Variants in WDFY4 observed in about 807,000 individuals in gnomAD.
WDFY4 encodes the protein WD repeat- and FYVE domain-containing protein 4.
Under a neutral mutation model 351.9 loss-of-function variants are expected in WDFY4, and 169 were observed. The ratio of observed to expected loss-of-function variants is 0.48; its 90% CI spans 0.42 to 0.55. WDFY4 has a LOEUF of 0.55. WDFY4 is among the 20% of genes least tolerant of loss of function. The pLI, the probability that WDFY4 is intolerant of heterozygous loss-of-function variation, is 0.00. For synonymous variants in WDFY4, 1,622 were observed against 1,574.6 expected (o/e 1.03, Z -0.71); for missense variants, 3,803 against 3,935.6 (o/e 0.97, Z 0.90).
Position 48,788,608 on chromosome 10 carries a change from C to T in WDFY4, c.3887C>T (p.Ser1296Phe), listed in dbSNP as rs868669968. Residue 1296 changes from serine to phenylalanine, a missense_variant, in exon 21 of 62, where the codon TCT becomes TTT. Transcript: ENST00000325239. ...VSFGLHIASS[S>F]ITSVADIRNA... ...TTTGGACTTCACATAGCCAGCTCCT[C>T]TATCACCAGTGTAGCGGACATCAGA... 2 of 1,551,836 alleles carry T rather than the reference C, an allele frequency of 1.3e-6. No homozygotes were observed. Among genetic ancestry groups the T allele is most frequent in the Middle Eastern group, 1.7e-4 (1 of 5,994 alleles).
At chr10:48,831,922 A>G (rs2133065519) in intron 38 of WDFY4, among the ~76,000 whole-genome samples, 1 of 152,348 alleles carries the variant, frequency 6.6e-6, no homozygotes, top group Non-Finnish European at 1.5e-5. Flanking sequence ...TAGAACCCTC[A>G]TATTTTAATC....
intron 61 of WDFY4, 141 bp downstream of exon 61, chr10:48,981,619 G>A: frequency 1.4e-6 from 1 of 734,050 alleles, no homozygotes. Flanking sequence ...AGCACAGGAA[G>A]CAGCCCGTGT....
At chr10:48,974,498 G>A (rs537480307) in intron 57 of WDFY4, among the ~76,000 whole-genome samples, 419 of 2,444 alleles carry the variant, frequency 0.17, 4 homozygotes, top group African/African-American at 0.2. Context: ...GCAAGACTCC[G>A]TCTCAAAAAA....
intron 43 of WDFY4, among the ~76,000 whole-genome samples, chr10:48,879,561 A>G (rs937597562): frequency 2.0e-5 from 3 of 152,212 alleles, no homozygotes; most frequent in Non-Finnish European, 4.4e-5. Context: ...ATGCACATTT[A>G]TTATCTCGAA....
At chr10:48,886,987 A>G (rs1440660125) in intron 43 of WDFY4, among the ~76,000 whole-genome samples, 1 of 152,272 alleles carries the variant, frequency 6.6e-6, no homozygotes, top group Admixed American at 6.5e-5. Flanking sequence ...TTTAAATGGA[A>G]GAGCAGGTAA....
At chr10:48,897,722 TC>T in intron 45 of WDFY4, 148 bp downstream of exon 45, 1 of 1,303,468 alleles carries the variant, frequency 7.7e-7, no homozygotes, top group African/African-American at 1.5e-5. Flanking sequence ...ACCCGCAAGT[TC>T]CCTGGGCTTG....
intron 47 of WDFY4, among the ~76,000 whole-genome samples, chr10:48,911,803 C>T (rs1174250114): frequency 6.6e-6 from 1 of 152,098 alleles, no homozygotes; most frequent in Non-Finnish European, 1.5e-5. Flanking sequence ...ATGAAAAACA[C>T]TTAATAAAGG....
chr10:48,785,928 G>A, intron 19 of WDFY4, among the ~76,000 whole-genome samples: 1 of 152,118 alleles, frequency 6.6e-6, no homozygotes, highest in South Asian at 2.1e-4. Context: ...TATACTTACT[G>A]ATCAACTCGA....
intron 47 of WDFY4, among the ~76,000 whole-genome samples, chr10:48,923,506 A>ATATATATATATGTGTATG (rs143983467): frequency 8.7e-6 from 1 of 115,116 alleles, no homozygotes; most frequent in Non-Finnish European, 2.0e-5. Context: ...GTATATATAT[A>ATATATATATATGTGTATG]TATATATGTC....
chr10:48,847,797 A>G (rs919167917), intron 39 of WDFY4, among the ~76,000 whole-genome samples: 11 of 152,184 alleles, frequency 7.2e-5, no homozygotes, highest in African/African-American at 2.4e-5. Context: ...GTCATTCTTC[A>G]TGTACTCATG....
intron 35 of WDFY4, 92 bp from the exon 36 acceptor site, chr10:48,826,579 G>A (rs2068019084): frequency 6.1e-6 from 6 of 988,552 alleles, no homozygotes; most frequent in Non-Finnish European, 9.1e-6. Context: ...GTCACTTTTT[G>A]ATTATACTAT....
At chr10:48,685,574 T>C (rs1444303786) in intron 1 of WDFY4, among the ~76,000 whole-genome samples, 2 of 152,158 alleles carry the variant, frequency 1.3e-5, no homozygotes, top group Non-Finnish European at 2.9e-5. Context: ...TCATCTGAAT[T>C]ATTACAGCAA....
chr10:48,805,106 GGGTGTCTGAC>G (rs1246126509), intron 25 of WDFY4, among the ~76,000 whole-genome samples, 144 bp from the exon 26 acceptor site: 1 of 152,112 alleles, frequency 6.6e-6, no homozygotes, highest in Non-Finnish European at 1.5e-5. Context: ...CATATTCAAT[GGGTGTCTGAC>G]GGCATCTTGA....
Position 48,778,629 on chromosome 10 carries a change from C to T in WDFY4, c.3194C>T (p.Pro1065Leu), listed in dbSNP as rs1404781165. The T allele has an allele frequency of 6.4e-7, 1 of 1,551,218 alleles. No homozygotes were observed. Among genetic ancestry groups the T allele is most frequent in the Non-Finnish European group, 8.7e-7 (1 of 1,147,016 alleles). The change falls in exon 18 of 62, where the codon CCT becomes CTT. Residue 1065 changes from proline to leucine, a missense_variant. By Grantham distance (98) the Pro-to-Leu change is moderately conservative. This residue lies in a region of WDFY4 where 3,054 missense variants were observed against 3,148.6 expected (regional missense o/e 0.97). Coordinates refer to ENST00000325239, the MANE Select transcript of WDFY4 (RefSeq NM_001394531.1). ...CACCCAGGTGCCACCAGACCGTTCC[C>T]TCCTCCTGGAGGTCTGACCTTCTCC... is the stretch of plus-strand genomic sequence containing the variant. The part of the protein sequence containing the change: ...GIGTGATRPF[P>L]PPGGLTFSCW...
intron 25 of WDFY4, among the ~76,000 whole-genome samples, chr10:48,803,908 TC>T (rs2067166567): frequency 6.6e-6 from 1 of 152,224 alleles, no homozygotes; most frequent in African/African-American, 2.4e-5. Flanking sequence ...CCTCTTCCAC[TC>T]AGTCTTCAGG....
rs928491513 is a variant in WDFY4, at chr10:48,786,873, A to G, written c.3808+3A>G. 15 of 1,550,110 alleles carry G rather than the reference A, an allele frequency of 9.7e-6. No individual in the cohort carries two copies. In the African/African-American group the frequency reaches 1.5e-4, roughly 16 times the overall value. ...CTTCCAAGCTGTGCATGTCCAAGGTATGGAGTGTTTTGATTTACAATGTTC... is the reference window on the plus strand; with the variant it reads ...CTTCCAAGCTGTGCATGTCCAAGGTGTGGAGTGTTTTGATTTACAATGTTC... On this transcript the variant is annotated splice_donor_region_variant and intron_variant, in intron 20 of 61. Coordinates refer to ENST00000325239, the MANE Select transcript of WDFY4 (RefSeq NM_001394531.1).
intron 6 of WDFY4, among the ~76,000 whole-genome samples, chr10:48,726,750 G>A (rs878977290): frequency 6.6e-6 from 1 of 152,212 alleles, no homozygotes. Context: ...CAGCTGAGAG[G>A]CTGAGCTTGC....
intron 47 of WDFY4, among the ~76,000 whole-genome samples, chr10:48,927,706 T>A (rs1473124382): frequency 6.6e-6 from 1 of 152,242 alleles, no homozygotes; most frequent in East Asian, 1.9e-4. Context: ...AACTGCCCTC[T>A]TTCCCCTAGC....
intron 44 of WDFY4, among the ~76,000 whole-genome samples, chr10:48,894,945 C>T (rs1371104966): frequency 6.6e-6 from 1 of 152,208 alleles, no homozygotes; most frequent in East Asian, 1.9e-4. Context: ...AGGACCTCAG[C>T]CAGCAGCCGG....
Sources: gnomAD v4.1 joint callset for allele counts (sites outside exome capture counted in the v4.1 genomes callset) on GRCh38, gnomAD v4.1.1 for gene constraint, gnomAD v4.1.1 regional missense constraint, MANE v1.5 for transcripts, NCBI Gene and HGNC (gene_info 2026-07-23, HGNC 2026-07-21) for gene names.